The following FUS variants were observed in gnomAD, a reference collection of about 807,000 sequenced individuals.
FUS encodes the protein FUS RNA binding protein, also known as RNA-binding protein FUS.
A neutral mutation model predicts 82.7 loss-of-function variants in FUS; 5 were observed. That is an observed-to-expected ratio of 0.06 (90% CI 0.03 to 0.13). FUS has a LOEUF of 0.13. Ranked by LOEUF, FUS falls within the 10% of genes least tolerant of loss-of-function variation. The probability of loss-of-function intolerance (pLI) is 1.00; values close to 1 mark genes in which losing one functional copy is unlikely to be tolerated. For missense variants in FUS, 512 were observed against 707.8 expected (o/e 0.72, Z 3.14); for synonymous variants, 281 against 247.4 (o/e 1.14, Z -1.27).
downstream of FUS, chr16:31,194,841 A>G (rs2079403172): frequency 2.1e-6 from 1 of 477,050 alleles, no homozygotes. Flanking sequence ...ATAAAAACAA[A>G]AAATGATTGA....
downstream of FUS, chr16:31,194,199 T>G (rs778329011): frequency 5.7e-6 from 3 of 530,582 alleles, no homozygotes; most frequent in East Asian, 7.8e-5. Flanking sequence ...GTGGGTAGAT[T>G]GACCAGGAAT....
At chr16:31,180,912 T>G (rs1260049816) in intron 1 of FUS, among the ~76,000 whole-genome samples, 1 of 140,914 alleles carries the variant, frequency 7.1e-6, no homozygotes, top group Non-Finnish European at 1.6e-5. Flanking sequence ...CCGCCTAAAT[T>G]TCTTTCTTTT....
At chr16:31,188,248 T>C (rs2079299960) in intron 7 of FUS, 77 bp from the exon 8 acceptor site, 1 of 1,509,286 alleles carries the variant, frequency 6.6e-7, no homozygotes, top group African/African-American at 1.4e-5. Flanking sequence ...TCCTTGTCCG[T>C]TTTTTCCTGT....
Position 31,190,772 on chromosome 16 carries a change from G to A in FUS, c.1323G>A (p.Arg441=). ...GTGAGAATATGAACTTCTCTTGGAG[G>A]AATGAATGCAACCAGTGTAAGGCCC... ...PTCENMNFSW[R]NECNQCKAPK... is the part of the protein sequence containing the mutation. Residue 441 remains arginine (R), a synonymous_variant, in exon 13 of 15, where the codon AGG becomes AGA. Coordinates refer to ENST00000254108, the MANE Select transcript of FUS (RefSeq NM_004960.4). 1 of 1,614,190 alleles carries A rather than the reference G, an allele frequency of 6.2e-7. No individual in the cohort carries two copies. The highest frequency in any genetic ancestry group is 1.1e-5 in the South Asian group (1 of 91,078).
intron 7 of FUS, chr16:31,188,107 C>G (rs1360170399): frequency 1.8e-5 from 11 of 599,394 alleles, no homozygotes; most frequent in Non-Finnish European, 2.9e-5. Context: ...TCTGTGGAGA[C>G]TCAAGTTACA....
downstream of FUS, chr16:31,191,974 T>C (rs1342922559): frequency 1.9e-6 from 1 of 533,362 alleles, no homozygotes; most frequent in East Asian, 3.9e-5. Context: ...AAACTACATT[T>C]AAATGGGGCA....
At chr16:31,194,770 A>G (rs1032471399), downstream of FUS, 2 of 482,186 alleles carry the variant, frequency 4.1e-6, no homozygotes, top group African/African-American at 3.9e-5. Context: ...TTTGAAATTT[A>G]TGTTATTTCA....
chr16:31,181,617 CTTA>C (rs1276261633), intron 1 of FUS, among the ~76,000 whole-genome samples: 1 of 152,124 alleles, frequency 6.6e-6, no homozygotes, highest in Admixed American at 6.5e-5. Flanking sequence ...TTGAGACTTT[CTTA>C]TTCTGTGGGT....
chr16:31,186,698 C>T, intron 6 of FUS, 104 bp from the exon 7 acceptor site: 1 of 1,138,536 alleles, frequency 8.8e-7, no homozygotes, highest in East Asian at 2.3e-5. Flanking sequence ...TATCTTTTTC[C>T]AAAAACACCT....
rs772817729 is a variant in FUS at position 31,191,529 on chromosome 16, C to G, written c.*91C>G. 7.1e-7 allele frequency: 1 copy of G among 1,412,586 alleles called. No individual in the cohort carries two copies. The highest frequency in any genetic ancestry group is 1.0e-6 in the Non-Finnish European group (1 of 1,000,016). 87.5% of individuals were successfully genotyped at this position (1,412,586 alleles called of 1,614,324 possible). On this transcript the variant is annotated 3_prime_UTR_variant, in exon 15 of 15. Transcript: ENST00000254108. ...TGTAACCTTCCAATTCCTGATCACC[C>G]AAGGGTTTTTTTGTGTCGGACTATG...
intron 14 of FUS, 47 bp from the exon 15 acceptor site, chr16:31,191,352 G>T: frequency 4.4e-6 from 7 of 1,608,832 alleles, no homozygotes; most frequent in Non-Finnish European, 6.0e-6. Flanking sequence ...GGAGAGGCTG[G>T]TAACTCAAAT....
rs741810 is a variant in FUS, at chr16:31,182,621, C to G, written c.147C>G (p.Gly49=). 1.2e-6 allele frequency: 2 copies of G among 1,614,090 alleles called. No homozygotes were observed. The highest frequency in any genetic ancestry group is 1.7e-6 in the Non-Finnish European group (2 of 1,179,996). The change falls in exon 3 of 15, where the codon GGC becomes GGG. Residue 49 remains glycine, a synonymous_variant. Coordinates refer to ENST00000254108, the MANE Select transcript of FUS (RefSeq NM_004960.4). ...SGYSQSTDTS[G]YGQSSYSSYG... ...ATAGCCAGTCCACGGACACTTCAGG[C>G]TATGGCCAGAGCAGCTATTCTTCTT...
intron 3 of FUS, 41 bp downstream of exon 3, chr16:31,182,705 G>A (rs754699731): frequency 6.2e-7 from 1 of 1,613,126 alleles, no homozygotes; most frequent in Non-Finnish European, 8.5e-7. Context: ...TACTCTTTCT[G>A]AATATTGCTT....
intron 1 of FUS, 104 bp from the exon 2 acceptor site, chr16:31,182,294 G>A: frequency 2.2e-6 from 3 of 1,375,768 alleles, no homozygotes; most frequent in Non-Finnish European, 3.1e-6. Flanking sequence ...CCTGGCCTAC[G>A]TGGTCCTTTT....
In FUS at chr16:31,182,671, C is replaced by CT; in HGVS notation, c.190+10dup. ...TATGGCCAGAGCCAGAACAGTGAGTCTTTCTCAGCGGGTCACCTCTTCCTA... is the reference window on the plus strand; with the variant it reads ...TATGGCCAGAGCCAGAACAGTGAGTCTTTTCTCAGCGGGTCACCTCTTCCTA... On this transcript the variant is annotated splice_region_variant and intron_variant, in intron 3 of 14. Transcript: ENST00000254108. 6.2e-7 allele frequency: 1 copy of CT among 1,614,182 alleles called. No homozygotes were observed. The highest frequency in any genetic ancestry group is 8.5e-7 in the Non-Finnish European group (1 of 1,180,016).
chr16:31,190,144 G>A lies in FUS; in HGVS notation c.1168+3G>A, dbSNP rs113332621. The A allele has an allele frequency of 2.5e-6, 4 of 1,614,164 alleles. No individual in the cohort carries two copies. Among genetic ancestry groups the A allele is most frequent in the African/African-American group, 1.3e-5 (1 of 75,048 alleles). ...TCGTGGAGGCCGAGGGCGAGGAGGT[G>A]AGGAGCTACCTGCTAGTGGTGCAGA... On this transcript the variant is annotated splice_donor_region_variant and intron_variant, in intron 11 of 14. Coordinates refer to ENST00000254108, the MANE Select transcript of FUS (RefSeq NM_004960.4).
intron 1 of FUS, 37 bp downstream of exon 1, chr16:31,180,264 C>T (rs371867157): frequency 7.5e-6 from 12 of 1,594,456 alleles, no homozygotes; most frequent in African/African-American, 4.0e-5. Flanking sequence ...GCGGCGCACC[C>T]GGCCGAGGCC....
intron 1 of FUS, among the ~76,000 whole-genome samples, chr16:31,181,193 A>G (rs1313459615): frequency 6.6e-6 from 1 of 152,150 alleles, no homozygotes; most frequent in Non-Finnish European, 1.5e-5. Flanking sequence ...GGGATTACAG[A>G]CGTAAGCCAA....
At position 31,190,425 on chromosome 16, in the gene FUS, G is replaced by A. The variant is rs2144136980; in HGVS notation, c.1292+27G>A. The stretch of plus-strand genomic sequence containing the variant: ...TGAGTGAAACTTAATTTTTTTCTTA[G>A]TTCTCTTGCATGCGTGCTCTTTGAT... On this transcript the variant is annotated intron_variant, in intron 12 of 14. Transcript: ENST00000254108. 1.9e-6 allele frequency: 3 copies of A among 1,614,028 alleles called. No individual in the cohort carries two copies. In the South Asian group the frequency reaches 3.3e-5, roughly 18 times the overall value.
Sources: allele counts gnomAD v4.1 joint callset (sites outside exome capture counted in the v4.1 genomes callset), GRCh38; gene constraint gnomAD v4.1.1; transcripts MANE v1.5; gene names NCBI Gene and HGNC (gene_info 2026-07-23, HGNC 2026-07-21).